Variants in LRP1B observed in about 807,000 individuals in gnomAD.
LRP1B encodes the protein LDL receptor related protein 1B.
Under a neutral mutation model 556.6 loss-of-function variants are expected in LRP1B, and 217 were observed. The ratio of observed to expected loss-of-function variants is 0.39; its 90% CI spans 0.35 to 0.44. The LOEUF (loss-of-function observed/expected upper bound fraction) is 0.44. LRP1B is among the 20% of genes least tolerant of loss of function. The probability of loss-of-function intolerance (pLI) is 1.00; values close to 1 mark genes in which losing one functional copy is unlikely to be tolerated. For synonymous variants in LRP1B, 2,047 were observed against 1,865.8 expected, an observed-to-expected ratio of 1.10 and a Z score of -2.50; for missense variants, 5,053 against 5,620.8, an observed-to-expected ratio of 0.90 and a Z score of 3.23.
Position 140,297,989 on chromosome 2 carries a change from A to T in LRP1B, c.12806-20T>A, listed in dbSNP as rs1558781160. 6.4e-7 allele frequency: 1 copy of T among 1,560,672 alleles called. No homozygotes were observed. Among genetic ancestry groups the T allele is most frequent in the Non-Finnish European group, 8.7e-7 (1 of 1,146,054 alleles). On this transcript the variant is annotated intron_variant, in intron 83 of 90. Transcript: ENST00000389484. ...GTCTCCCTATTGGAAACAATAAGTA[A>T]TAAAAAGCAAATTATTCAACCAAAA...
chr2:141,795,228 T>C (rs754170039), intron 2 of LRP1B, among the ~76,000 whole-genome samples: 7 of 152,098 alleles, frequency 4.6e-5, no homozygotes, highest in Non-Finnish European at 8.8e-5. Context: ...AGGATATCTT[T>C]CTGTAAGTTA....
At chr2:141,366,827 G>T (rs545588909) in intron 3 of LRP1B, among the ~76,000 whole-genome samples, 1 of 152,238 alleles carries the variant, frequency 6.6e-6, no homozygotes, top group Non-Finnish European at 1.5e-5. Flanking sequence ...AGGTGAAAAC[G>T]CTGGGTCACT....
chr2:140,264,319 C>T (rs1203452508), intron 86 of LRP1B, among the ~76,000 whole-genome samples: 1 of 152,122 alleles, frequency 6.6e-6, no homozygotes. Flanking sequence ...ACCTCTGCCT[C>T]CCGGGTTCAA....
intron 3 of LRP1B, among the ~76,000 whole-genome samples, chr2:141,264,501 G>A (rs974645106): frequency 6.6e-6 from 1 of 152,038 alleles, no homozygotes; most frequent in Non-Finnish European, 1.5e-5. Flanking sequence ...TGTCATCCAG[G>A]CTGGAGTGCA....
intron 1 of LRP1B, among the ~76,000 whole-genome samples, chr2:142,047,016 AGT>A (rs1023624880): frequency 6.6e-6 from 1 of 152,022 alleles, no homozygotes; most frequent in African/African-American, 2.4e-5. Flanking sequence ...TTCAAAACCA[AGT>A]GTTTTACACT....
intron 89 of LRP1B, 114 bp downstream of exon 89, chr2:140,238,038 G>C (rs1384903136): frequency 4.6e-6 from 4 of 867,120 alleles, no homozygotes; most frequent in Non-Finnish European, 6.9e-6. Flanking sequence ...ACATCCTAAA[G>C]TCCCTTATTC....
chr2:140,514,659 T>C lies in LRP1B; in HGVS notation c.8263A>G (p.Ile2755Val), dbSNP rs1449605860. 1.2e-6 allele frequency: 2 copies of C among 1,609,462 alleles called. No homozygotes were observed. The highest frequency in any genetic ancestry group is 1.1e-5 in the South Asian group (1 of 90,392). The change falls in exon 51 of 91, where the codon ATT (isoleucine) becomes GTT (valine). Residue 2755 changes from isoleucine to valine, a missense_variant. Ile to Val is a conservative substitution (Grantham distance 29, BLOSUM62 3). Coordinates refer to ENST00000389484, the MANE Select transcript of LRP1B (RefSeq NM_018557.3). Reference protein sequence around the residue: ...CGDGLDESDSICGAITCAADM... With the variant: ...CGDGLDESDSVCGAITCAADM... ...CAGAAGATACACAACTTACCACAAA[T>C]GCTGTCACTTTCATCTAACCCATCC... is the stretch of plus-strand genomic sequence containing the variant.
chr2:140,836,163 G>C (rs1691895564), intron 31 of LRP1B, among the ~76,000 whole-genome samples: 1 of 151,944 alleles, frequency 6.6e-6, no homozygotes, highest in Non-Finnish European at 1.5e-5. Flanking sequence ...ACATATATAG[G>C]AACTCTTTAG....
chr2:142,110,585 T>C (rs1046713176), intron 1 of LRP1B, among the ~76,000 whole-genome samples: 2 of 152,152 alleles, frequency 1.3e-5, no homozygotes, highest in African/African-American at 4.8e-5. Context: ...ACATTTTGAA[T>C]GACTAATCTA....
At chr2:140,702,689 C>A in intron 37 of LRP1B, 136 bp from the exon 38 acceptor site, 1 of 770,104 alleles carries the variant, frequency 1.3e-6, no homozygotes, top group Non-Finnish European at 2.1e-6. Context: ...AGTTAATATA[C>A]AGTGTGCTTA....
intron 66 of LRP1B, among the ~76,000 whole-genome samples, chr2:140,409,394 T>C (rs1318238520): frequency 1.3e-5 from 2 of 152,034 alleles, no homozygotes; most frequent in African/African-American, 2.4e-5. Flanking sequence ...ATATATTGAC[T>C]GGAAGTAAAT....
rs184856109 is a variant in LRP1B at position 141,043,799 on chromosome 2, A to G, written c.1789+5187T>C. On this transcript the variant is annotated intron_variant, in intron 11 of 90. Coordinates refer to ENST00000389484, the MANE Select transcript of LRP1B (RefSeq NM_018557.3). ...TCCTGGTAAAATTATAATTCATATT[A>G]CAATGAAAAATAAATCTTGGAAAGG... Among the ~76,000 whole-genome samples, 86 of 152,170 alleles carry G rather than the reference A, an allele frequency of 5.7e-4. 1 individual carries two copies. The highest frequency in any genetic ancestry group is 9.1e-4 in the Non-Finnish European group (62 of 67,950).
intron 3 of LRP1B, among the ~76,000 whole-genome samples, chr2:141,445,919 A>T (rs570482076): frequency 6.6e-6 from 1 of 152,310 alleles, no homozygotes; most frequent in Non-Finnish European, 1.5e-5. Context: ...AGAATTCTGT[A>T]GATGTCTATT....
chr2:142,057,636 C>T (rs776059465), intron 1 of LRP1B, among the ~76,000 whole-genome samples: 17 of 152,106 alleles, frequency 1.1e-4, no homozygotes, highest in Non-Finnish European at 1.9e-4. Context: ...TTTTCCAATG[C>T]TTTTCCATAA....
At chr2:141,011,558 A>C (rs1012647923) in intron 14 of LRP1B, among the ~76,000 whole-genome samples, 4 of 152,094 alleles carry the variant, frequency 2.6e-5, no homozygotes, top group Non-Finnish European at 5.9e-5. Context: ...TCTTAGCTAC[A>C]TGAAGAAGTG....
intron 18 of LRP1B, among the ~76,000 whole-genome samples, chr2:140,961,121 A>G (rs1041163411): frequency 6.6e-6 from 1 of 152,010 alleles, no homozygotes; most frequent in African/African-American, 2.4e-5. Context: ...TTACATATAA[A>G]CAAGTAAATA....
intron 7 of LRP1B, among the ~76,000 whole-genome samples, chr2:141,079,834 C>T (rs1699881262): frequency 6.6e-6 from 1 of 152,062 alleles, no homozygotes; most frequent in Admixed American, 6.6e-5. Flanking sequence ...TGTGGTTTTG[C>T]CATTGAAAGT....
At chr2:141,488,922 G>T (rs922221861) in intron 2 of LRP1B, among the ~76,000 whole-genome samples, 1 of 151,212 alleles carries the variant, frequency 6.6e-6, no homozygotes, top group Admixed American at 6.6e-5. Flanking sequence ...GATTTCTAAC[G>T]TACCATTAAC....
intron 32 of LRP1B, among the ~76,000 whole-genome samples, chr2:140,800,575 T>TA (rs1384685134): frequency 6.6e-6 from 1 of 152,216 alleles, no homozygotes; most frequent in Non-Finnish European, 1.5e-5. Flanking sequence ...GAATGTTTTT[T>TA]AAAAATTTAG....
Sources: gnomAD v4.1 joint callset for allele counts (sites outside exome capture counted in the v4.1 genomes callset) on GRCh38, gnomAD v4.1.1 for gene constraint, MANE v1.5 for transcripts, NCBI Gene and HGNC (gene_info 2026-07-23, HGNC 2026-07-21) for gene names.